ADGRB3: variants seen among roughly 807,000 people sequenced by gnomAD.
The protein encoded by ADGRB3 is adhesion G protein-coupled receptor B3, also known as brain-specific angiogenesis inhibitor 3.
Under a neutral mutation model 193.4 loss-of-function variants are expected in ADGRB3, and 37 were observed. That is an observed-to-expected ratio of 0.19 (90% CI 0.15 to 0.25). ADGRB3 has a LOEUF of 0.25. Among genes scored for constraint, ADGRB3 ranks in the 10% least tolerant of loss-of-function variants. The probability of loss-of-function intolerance (pLI) is 1.00; values close to 1 mark genes in which losing one functional copy is unlikely to be tolerated. For missense variants in ADGRB3, 1,637 were observed against 1,852.9 expected, an observed-to-expected ratio of 0.88 and a Z score of 2.14; for synonymous variants, 690 against 644.2, an observed-to-expected ratio of 1.07 and a Z score of -1.08.
At chr6:69,033,679 GTGTGTTTATCTTCTAAAA>G (rs1018986028) in intron 13 of ADGRB3, among the ~76,000 whole-genome samples, 1 of 151,968 alleles carries the variant, frequency 6.6e-6, no homozygotes, top group African/African-American at 2.4e-5. Flanking sequence ...ATGTGTTTTT[GTGTGTTTATCTTCTAAAA>G]TATTTATCAG....
intron 17 of ADGRB3, among the ~76,000 whole-genome samples, chr6:69,142,993 C>G (rs921924904): frequency 6.6e-6 from 1 of 152,172 alleles, no homozygotes; most frequent in African/African-American, 2.4e-5. Context: ...ATTTACACTC[C>G]CACCAACAGT....
At chr6:69,339,120 T>C in intron 25 of ADGRB3, 106 bp downstream of exon 25, 1 of 1,231,666 alleles carries the variant, frequency 8.1e-7, no homozygotes, top group Non-Finnish European at 1.2e-6. Flanking sequence ...GACCAGAGAG[T>C]ATATTTAAAT....
intron 17 of ADGRB3, among the ~76,000 whole-genome samples, chr6:69,081,681 T>G (rs774244996): frequency 3.3e-5 from 5 of 152,020 alleles, no homozygotes; most frequent in African/African-American, 2.4e-5. Flanking sequence ...TTTCTTAAAA[T>G]TTAAAAAATT....
intron 3 of ADGRB3, among the ~76,000 whole-genome samples, chr6:68,721,855 A>G (rs1455236591): frequency 6.6e-6 from 1 of 151,096 alleles, no homozygotes; most frequent in Non-Finnish European, 1.5e-5. Context: ...AAGAGAAGGG[A>G]GAACAAGACA....
intron 13 of ADGRB3, among the ~76,000 whole-genome samples, chr6:69,029,976 GCACACA>G (rs10653397): frequency 5.5e-5 from 8 of 145,190 alleles, no homozygotes; most frequent in Admixed American, 2.1e-4. Context: ...TATATAGAAT[GCACACA>G]CACACACACA....
chr6:68,972,354 C>G (rs1171881820), intron 8 of ADGRB3, among the ~76,000 whole-genome samples: 1 of 152,210 alleles, frequency 6.6e-6, no homozygotes, highest in Non-Finnish European at 1.5e-5. Context: ...CTCAGCACAG[C>G]TCTCCTGCCC....
At chr6:69,019,700 CA>C (rs1770204194) in intron 13 of ADGRB3, among the ~76,000 whole-genome samples, 1 of 151,962 alleles carries the variant, frequency 6.6e-6, no homozygotes, top group Admixed American at 6.6e-5. Flanking sequence ...GAGAGTTTAA[CA>C]TCTTAATGCA....
At chr6:68,933,789 A>G (rs62416449) in intron 4 of ADGRB3, among the ~76,000 whole-genome samples, 14,513 of 152,156 alleles carry the variant, frequency 0.095, 914 homozygotes, top group Non-Finnish European at 0.14. Context: ...AAGAAATAAA[A>G]TGACTTTCTC....
At chr6:69,236,705 A>G (rs1331234496) in intron 19 of ADGRB3, among the ~76,000 whole-genome samples, 1 of 152,070 alleles carries the variant, frequency 6.6e-6, no homozygotes, top group East Asian at 1.9e-4. Context: ...CCCTCAATAC[A>G]TATCACTAAC....
intron 3 of ADGRB3, among the ~76,000 whole-genome samples, chr6:68,925,666 G>T (rs1346147904): frequency 6.6e-6 from 1 of 151,964 alleles, no homozygotes; most frequent in East Asian, 1.9e-4. Flanking sequence ...AGACAAATTA[G>T]CAAGTCATTG....
chr6:69,092,058 GT>G (rs1772725741), intron 17 of ADGRB3, among the ~76,000 whole-genome samples: 1 of 152,194 alleles, frequency 6.6e-6, no homozygotes, highest in South Asian at 2.1e-4. Flanking sequence ...GATTTCAACA[GT>G]TAAACCTTTT....
intron 23 of ADGRB3, chr6:69,332,390 A>T (rs915381383): frequency 6.1e-6 from 6 of 985,324 alleles, no homozygotes; most frequent in Non-Finnish European, 7.2e-6. Context: ...TTCTGCTTAG[A>T]AAAGCATGGT....
At chr6:69,111,562 T>C (rs1294535737) in intron 17 of ADGRB3, among the ~76,000 whole-genome samples, 2 of 152,208 alleles carry the variant, frequency 1.3e-5, no homozygotes, top group Non-Finnish European at 2.9e-5. Flanking sequence ...GGTGACATTA[T>C]GGAATTTCTG....
chr6:68,968,942 T>G (rs1284570992), intron 8 of ADGRB3, among the ~76,000 whole-genome samples: 1 of 152,174 alleles, frequency 6.6e-6, no homozygotes. Context: ...TAGCCACATT[T>G]TCCTAGCACC....
intron 17 of ADGRB3, among the ~76,000 whole-genome samples, chr6:69,088,604 C>T (rs550706765): frequency 2.6e-4 from 40 of 152,312 alleles, no homozygotes; most frequent in African/African-American, 8.9e-4. Flanking sequence ...AAATTCCTGA[C>T]CTCAGGTGAT....
chr6:68,998,613 A>G (rs970273959), intron 11 of ADGRB3, among the ~76,000 whole-genome samples: 4 of 152,252 alleles, frequency 2.6e-5, no homozygotes, highest in African/African-American at 7.2e-5. Flanking sequence ...ACTCTTTGGC[A>G]ACTGTTGCAT....
chr6:68,990,663 A>T (rs1769213634), intron 10 of ADGRB3, among the ~76,000 whole-genome samples: 1 of 151,998 alleles, frequency 6.6e-6, no homozygotes, highest in South Asian at 2.1e-4. Flanking sequence ...GCAAACAGAA[A>T]GCATGTCTAA....
intron 17 of ADGRB3, among the ~76,000 whole-genome samples, chr6:69,182,802 TC>T (rs961435933): frequency 6.6e-6 from 1 of 152,096 alleles, no homozygotes; most frequent in Admixed American, 6.6e-5. Context: ...GTGTAAATAT[TC>T]CTACCATGGC....
At chr6:69,021,742 A>C (rs1241516982) in intron 13 of ADGRB3, among the ~76,000 whole-genome samples, 1 of 151,946 alleles carries the variant, frequency 6.6e-6, no homozygotes, top group Non-Finnish European at 1.5e-5. Context: ...GACATATTTT[A>C]GAAAGACTTT....
Sources: gnomAD v4.1 joint callset for allele counts (sites outside exome capture counted in the v4.1 genomes callset) on GRCh38, gnomAD v4.1.1 for gene constraint, MANE v1.5 for transcripts, NCBI Gene and HGNC (gene_info 2026-07-23, HGNC 2026-07-21) for gene names.